SORCS1: variants seen among roughly 807,000 people sequenced by gnomAD.
SORCS1 encodes VPS10 domain-containing receptor SorCS1.
In SORCS1, 60 loss-of-function variants were observed where a neutral mutation model predicts 146.1. The ratio of observed to expected loss-of-function variants is 0.41; its 90% CI spans 0.33 to 0.51. SORCS1 has a LOEUF of 0.51. SORCS1 is among the 20% of genes least tolerant of loss of function. SORCS1 has a pLI of 0.21. For missense variants in SORCS1, 1,352 were observed against 1,487.6 expected (o/e 0.91, Z 1.50); for synonymous variants, 637 against 584.0 (o/e 1.09, Z -1.31).
At chr10:107,075,170 AT>A (rs1383116000) in intron 1 of SORCS1, among the ~76,000 whole-genome samples, 4 of 152,296 alleles carry the variant, frequency 2.6e-5, no homozygotes, top group African/African-American at 9.6e-5. Context: ...CTGAATTTGA[AT>A]TTTATATGTT....
chr10:106,751,086 A>AC (rs1858186611), intron 5 of SORCS1, among the ~76,000 whole-genome samples: 1 of 140,356 alleles, frequency 7.1e-6, no homozygotes, highest in Admixed American at 7.1e-5. Flanking sequence ...AAAAAAAAAA[A>AC]AAAAAAAATG....
intron 4 of SORCS1, among the ~76,000 whole-genome samples, chr10:106,766,066 TC>T (rs1859544792): frequency 1.3e-5 from 2 of 152,120 alleles, no homozygotes; most frequent in Admixed American, 6.6e-5. Context: ...CACGGTGGCT[TC>T]CCCGGTCAAG....
intron 9 of SORCS1, among the ~76,000 whole-genome samples, chr10:106,693,916 A>G (rs1176205655): frequency 6.6e-6 from 1 of 152,222 alleles, no homozygotes; most frequent in Admixed American, 6.5e-5. Flanking sequence ...AATGCTGACT[A>G]AAAGATGAAT....
upstream of SORCS1, among the ~76,000 whole-genome samples, chr10:107,169,222 C>A (rs1970109862): frequency 6.6e-6 from 1 of 152,110 alleles, no homozygotes; most frequent in African/African-American, 2.4e-5. Context: ...TAATAGTTCT[C>A]AAAATATTTG....
chr10:106,804,298 A>G (rs1019938979), intron 3 of SORCS1, among the ~76,000 whole-genome samples: 1 of 151,954 alleles, frequency 6.6e-6, no homozygotes, highest in African/African-American at 2.4e-5. Context: ...GCATGACTGC[A>G]CTCTAGACTG....
chr10:106,862,245 T>C (rs945428374), intron 2 of SORCS1, among the ~76,000 whole-genome samples: 6 of 152,176 alleles, frequency 3.9e-5, no homozygotes, highest in Admixed American at 3.3e-4. Flanking sequence ...ACATTCAGGG[T>C]CAGAGTGTCA....
intron 2 of SORCS1, among the ~76,000 whole-genome samples, chr10:106,882,651 A>T (rs1257536822): frequency 6.6e-6 from 1 of 152,108 alleles, no homozygotes; most frequent in Non-Finnish European, 1.5e-5. Flanking sequence ...CTGAGATTAC[A>T]CACGCACACT....
chr10:106,783,098 T>C (rs1861020663), intron 3 of SORCS1, among the ~76,000 whole-genome samples: 1 of 150,510 alleles, frequency 6.6e-6, no homozygotes, highest in African/African-American at 2.4e-5. Flanking sequence ...CCACTTTGAA[T>C]ACCTTATAGC....
At chr10:106,700,636 AC>A (rs1854071246) in intron 8 of SORCS1, among the ~76,000 whole-genome samples, 1 of 152,034 alleles carries the variant, frequency 6.6e-6, no homozygotes. Flanking sequence ...CTAACTACTA[AC>A]CTAAATTTCT....
chr10:106,713,007 C>G (rs1855106128), intron 6 of SORCS1, among the ~76,000 whole-genome samples: 1 of 152,146 alleles, frequency 6.6e-6, no homozygotes, highest in South Asian at 2.1e-4. Context: ...AGTACTGGTA[C>G]ATGAGAAGTG....
At chr10:106,683,472 G>T (rs1852593711) in intron 10 of SORCS1, among the ~76,000 whole-genome samples, 1 of 152,162 alleles carries the variant, frequency 6.6e-6, no homozygotes. Flanking sequence ...TTAGCATAAT[G>T]TTCTCCAGCT....
At chr10:107,036,681 G>C (rs985121116) in intron 1 of SORCS1, among the ~76,000 whole-genome samples, 1 of 152,172 alleles carries the variant, frequency 6.6e-6, no homozygotes, top group Non-Finnish European at 1.5e-5. Context: ...ATACCTGATA[G>C]AACAGGCTAC....
chr10:106,695,641 G>A (rs1347880591), intron 9 of SORCS1, among the ~76,000 whole-genome samples: 3 of 152,142 alleles, frequency 2.0e-5, no homozygotes, highest in Non-Finnish European at 2.9e-5. Context: ...GTTATGGAAG[G>A]TTCTTTACAC....
intron 5 of SORCS1, among the ~76,000 whole-genome samples, chr10:106,741,591 C>CTT (rs1346848765): frequency 6.6e-6 from 1 of 151,758 alleles, no homozygotes; most frequent in African/African-American, 2.4e-5. Context: ...GAGTGAGACT[C>CTT]TTTGTCTCAA....
chr10:106,931,458 G>GA (rs1433749846), intron 2 of SORCS1, among the ~76,000 whole-genome samples: 1 of 152,184 alleles, frequency 6.6e-6, no homozygotes, highest in African/African-American at 2.4e-5. Flanking sequence ...AGCGGGTGGG[G>GA]AAAATACTTG....
In SORCS1 at chr10:107,164,599, G is replaced by GT; in HGVS notation, c.-74dup. ...CGGCACGAGCTCTGCGCTGGCGGCT[G>GT]TGGGGGGCCGGCGCTCAGGACCCCA... On this transcript the variant is annotated 5_prime_UTR_variant, in exon 1 of 26. Coordinates refer to ENST00000263054, the MANE Select transcript of SORCS1 (RefSeq NM_052918.5). The surrounding 1 kb of genome is among the most constrained non-coding windows in gnomAD (Gnocchi z 6.8). 8.2e-7 allele frequency: 1 copy of GT among 1,225,090 alleles called. No individual in the cohort carries two copies. The allele number at this position is 1,225,090 out of a possible 1,614,324, so 75.9% of individuals were successfully genotyped here.
chr10:106,616,790 T>C (rs1299915186), intron 21 of SORCS1, among the ~76,000 whole-genome samples: 2 of 152,218 alleles, frequency 1.3e-5, no homozygotes, highest in African/African-American at 4.8e-5. Flanking sequence ...AATTATTTTC[T>C]GATTTTGAAG....
At chr10:107,101,688 A>C (rs375401476) in intron 1 of SORCS1, among the ~76,000 whole-genome samples, 15 of 151,940 alleles carry the variant, frequency 9.9e-5, no homozygotes, top group African/African-American at 3.4e-4. Flanking sequence ...AAAAATAGTA[A>C]CCTGAAATTT....
At chr10:106,816,749 G>A (rs1947759632) in intron 3 of SORCS1, among the ~76,000 whole-genome samples, 1 of 151,932 alleles carries the variant, frequency 6.6e-6, no homozygotes, top group Middle Eastern at 3.2e-3. Context: ...CTTCTTGTTT[G>A]AAAAAAATAA....
Sources: gnomAD v4.1 joint callset for allele counts (sites outside exome capture counted in the v4.1 genomes callset) on GRCh38, gnomAD v4.1.1 for gene constraint, Gnocchi (gnomAD v3.1) non-coding constraint, MANE v1.5 for transcripts, NCBI Gene and HGNC (gene_info 2026-07-23, HGNC 2026-07-21) for gene names.